The following DIRAS2 variants were observed in gnomAD, a reference collection of about 807,000 sequenced individuals.
DIRAS2 encodes GTP-binding protein Di-Ras2.
A neutral mutation model predicts 13.9 loss-of-function variants in DIRAS2; 5 were observed. The observed-to-expected ratio is 0.36, with a 90% confidence interval of 0.19 to 0.76. The LOEUF is 0.76. Among genes scored for constraint, DIRAS2 ranks in the 30% least tolerant of loss-of-function variants. The pLI, the probability that DIRAS2 is intolerant of heterozygous loss-of-function variation, is 0.53. For synonymous variants in DIRAS2, 111 were observed against 105.4 expected (o/e 1.05, Z -0.33); for missense variants, 191 against 263.0 (o/e 0.73, Z 1.89).
At chr9:90,628,825 G>A (rs1825296513) in intron 1 of DIRAS2, among the ~76,000 whole-genome samples, 1 of 151,806 alleles carries the variant, frequency 6.6e-6, no homozygotes, top group African/African-American at 2.4e-5. Flanking sequence ...GGGATTACAA[G>A]TGTGAACCAC....
intron 1 of DIRAS2, among the ~76,000 whole-genome samples, chr9:90,635,044 C>A (rs1168664637): frequency 2.0e-5 from 3 of 152,228 alleles, no homozygotes; most frequent in Non-Finnish European, 4.4e-5. Context: ...GATAAGAGAA[C>A]TGAGGCTCTG....
chr9:90,623,924 C>A (rs776933277), intron 1 of DIRAS2, among the ~76,000 whole-genome samples: 7 of 152,156 alleles, frequency 4.6e-5, no homozygotes, highest in Non-Finnish European at 7.3e-5. Context: ...GAATTCGGAT[C>A]TTTAAGAGTA....
intron 1 of DIRAS2, among the ~76,000 whole-genome samples, chr9:90,618,219 C>T (rs1279657231): frequency 6.6e-6 from 1 of 152,196 alleles, no homozygotes; most frequent in Non-Finnish European, 1.5e-5. Context: ...ACACAGGATA[C>T]ACAGATACAT....
At chr9:90,641,410 G>A (rs974711041) in intron 1 of DIRAS2, among the ~76,000 whole-genome samples, 15 of 152,046 alleles carry the variant, frequency 9.9e-5, no homozygotes, top group East Asian at 1.9e-4. Flanking sequence ...GTGCTTGCCC[G>A]GGACTATTAC....
chr9:90,612,531 A>G lies in DIRAS2; in HGVS notation c.*697T>C, dbSNP rs1045027559. ...GATATCCTCACTTAAAAACTGAAGA[A>G]CTTCCGACAGAGCAGCACACTGTTA... is the stretch of plus-strand genomic sequence containing the variant. On this transcript the variant is annotated 3_prime_UTR_variant, in exon 2 of 2. Transcript: ENST00000375765. The G allele has an allele frequency of 5.3e-5, 8 of 152,316 alleles. No individual in the cohort carries two copies. The highest frequency in any genetic ancestry group is 1.7e-4 in the African/African-American group (7 of 41,454). 9.4% of individuals were successfully genotyped at this position (152,316 alleles called of 1,614,324 possible).
rs1352333826 is a variant in DIRAS2, at chr9:90,613,109, C to T, written c.*119G>A. 5 of 1,409,056 alleles carry T rather than the reference C, an allele frequency of 3.5e-6. No homozygotes were observed. The highest frequency in any genetic ancestry group is 2.2e-5 in the Admixed American group (1 of 46,256). 87.3% of individuals were successfully genotyped at this position (1,409,056 alleles called of 1,614,324 possible). On this transcript the variant is annotated 3_prime_UTR_variant, in exon 2 of 2. Coordinates refer to ENST00000375765, the MANE Select transcript of DIRAS2 (RefSeq NM_017594.5). The surrounding 1 kb of genome is among the most constrained non-coding windows in gnomAD (Gnocchi z 5.6). The stretch of plus-strand genomic sequence containing the variant: ...CTCTTAAGGACAATAGGACGCATCT[C>T]GATTAAATGCAATGTTTAACACGTG...
At position 90,619,471 on chromosome 9, in the gene DIRAS2, T is replaced by C. The variant is rs550003457; in HGVS notation, c.-36-5608A>G. Reference sequence around the variant, plus strand: ...AAACAAAACAAAACAAAACAAACTATAAAGTACCGCTTCATACTCACTTGG... The same window carrying C: ...AAACAAAACAAAACAAAACAAACTACAAAGTACCGCTTCATACTCACTTGG... On this transcript the variant is annotated intron_variant, in intron 1 of 1. Coordinates refer to ENST00000375765, the MANE Select transcript of DIRAS2 (RefSeq NM_017594.5). Among the ~76,000 whole-genome samples, 21 of 151,988 alleles carry C rather than the reference T, an allele frequency of 1.4e-4. No homozygotes were observed. The East Asian group carries it at 4.1e-3, about 29-fold the overall frequency.
Position 90,613,238 on chromosome 9 carries a change from A to G in DIRAS2, c.590T>C (p.Val197Ala). 6.2e-7 allele frequency: 1 copy of G among 1,612,608 alleles called. No homozygotes were observed. The highest frequency in any genetic ancestry group is 8.5e-7 in the Non-Finnish European group (1 of 1,179,398). ...KRKEKLKGKCVIM is the reference protein window; with the variant it reads ...KRKEKLKGKCAIM Reference sequence around the variant, plus strand: ...CCGCAGGAAGGGCCTTCACATGATCACGCACTTGCCTTTGAGCTTCTCTTT... The same window carrying G: ...CCGCAGGAAGGGCCTTCACATGATCGCGCACTTGCCTTTGAGCTTCTCTTT... Residue 197 changes from valine (V) to alanine (A), a missense_variant, in exon 2 of 2, where the codon GTG (valine) becomes GCG (alanine). Coordinates refer to ENST00000375765, the MANE Select transcript of DIRAS2 (RefSeq NM_017594.5). The surrounding 1 kb of genome is among the most constrained non-coding windows in gnomAD (Gnocchi z 5.6).
chr9:90,630,474 A>C (rs1825314508), intron 1 of DIRAS2, among the ~76,000 whole-genome samples: 1 of 152,266 alleles, frequency 6.6e-6, no homozygotes, highest in Admixed American at 6.5e-5. Flanking sequence ...AAAAGTAGGC[A>C]GAAGCTACTG....
chr9:90,626,415 G>C (rs1825269401), intron 1 of DIRAS2, among the ~76,000 whole-genome samples: 1 of 149,254 alleles, frequency 6.7e-6, no homozygotes, highest in South Asian at 2.2e-4. Flanking sequence ...TGTCCAGCCT[G>C]GGCACCATAG....
rs1825094610 is a variant in DIRAS2 at position 90,609,934 on chromosome 9, A to T, written c.*3294T>A. On this transcript the variant is annotated 3_prime_UTR_variant, in exon 2 of 2. Transcript: ENST00000375765. ...GCAAGGGTGATTTTTATAACCGCAG[A>T]GTAAATAAAATATAATAGAGAATAG... 6.6e-6 allele frequency: 1 copy of T among 152,352 alleles called. No individual in the cohort carries two copies. The highest frequency in any genetic ancestry group is 6.5e-5 in the Admixed American group (1 of 15,294). The allele number at this position is 152,352 out of a possible 1,614,324, so 9.4% of individuals were successfully genotyped here. A position where few individuals can be genotyped will look rare whatever the true frequency, so the allele number is the denominator to read the frequency against.
chr9:90,610,489 G>C lies in DIRAS2; in HGVS notation c.*2739C>G, dbSNP rs567111525. The C allele has an allele frequency of 2.5e-6, 1 of 398,842 alleles. No individual in the cohort carries two copies. The highest frequency in any genetic ancestry group is 4.4e-6 in the Non-Finnish European group (1 of 226,066). 24.7% of individuals were successfully genotyped at this position (398,842 alleles called of 1,614,324 possible). ...TCATGGAGCCCCATGCTCATGCCCA[G>C]AGCGCCATCTTCAAAGCAATATTTA... On this transcript the variant is annotated 3_prime_UTR_variant, in exon 2 of 2. Coordinates refer to ENST00000375765, the MANE Select transcript of DIRAS2 (RefSeq NM_017594.5).
intron 1 of DIRAS2, among the ~76,000 whole-genome samples, chr9:90,627,914 C>T (rs550473648): frequency 2.0e-3 from 311 of 151,984 alleles, no homozygotes; most frequent in Non-Finnish European, 3.5e-3. Context: ...TAATGCATGC[C>T]GGGCTTAACA....
chr9:90,616,261 G>A (rs373435390), intron 1 of DIRAS2, among the ~76,000 whole-genome samples: 1 of 152,200 alleles, frequency 6.6e-6, no homozygotes, highest in East Asian at 1.9e-4. Flanking sequence ...TTTACCCAGA[G>A]AAATATCCAC....
At position 90,613,147 on chromosome 9, in the gene DIRAS2, G is replaced by T; in HGVS notation, c.*81C>A. On this transcript the variant is annotated 3_prime_UTR_variant, in exon 2 of 2. Coordinates refer to ENST00000375765, the MANE Select transcript of DIRAS2 (RefSeq NM_017594.5). The surrounding 1 kb of genome is among the most constrained non-coding windows in gnomAD (Gnocchi z 5.6). ...TGTTTAACACGTGGGCATTATACAT[G>T]CTACCCTGACGACGGTGGGTGTCAT... 1 of 1,546,176 alleles carries T rather than the reference G, an allele frequency of 6.5e-7. No individual in the cohort carries two copies. The highest frequency in any genetic ancestry group is 1.4e-5 in the African/African-American group (1 of 73,152).
At chr9:90,620,648 C>T (rs1825211248) in intron 1 of DIRAS2, among the ~76,000 whole-genome samples, 3 of 151,630 alleles carry the variant, frequency 2.0e-5, no homozygotes, top group Admixed American at 2.0e-4. Context: ...CCCAGTTATT[C>T]GGGTGACTGA....
chr9:90,630,575 G>A (rs1825315399), intron 1 of DIRAS2, among the ~76,000 whole-genome samples: 1 of 152,182 alleles, frequency 6.6e-6, no homozygotes, highest in Non-Finnish European at 1.5e-5. Context: ...ACATGGAGAT[G>A]TGCAGCAACC....
intron 1 of DIRAS2, among the ~76,000 whole-genome samples, chr9:90,619,255 C>T (rs1162210415): frequency 6.6e-6 from 1 of 152,016 alleles, no homozygotes; most frequent in Non-Finnish European, 1.5e-5. Context: ...GCCTGGCCAA[C>T]ATGGTGAAAC....
intron 1 of DIRAS2, among the ~76,000 whole-genome samples, chr9:90,626,417 G>A (rs1355486745): frequency 6.8e-5 from 10 of 147,982 alleles, no homozygotes; most frequent in South Asian, 2.2e-4. Context: ...TCCAGCCTGG[G>A]CACCATAGCA....
Sources: gnomAD v4.1 joint callset for allele counts (sites outside exome capture counted in the v4.1 genomes callset) on GRCh38, gnomAD v4.1.1 for gene constraint, Gnocchi (gnomAD v3.1) non-coding constraint, MANE v1.5 for transcripts, NCBI Gene and HGNC (gene_info 2026-07-23, HGNC 2026-07-21) for gene names.